PTGER3: variants seen among roughly 807,000 people sequenced by gnomAD.
PTGER3 encodes prostaglandin E2 receptor EP3 subtype.
Under a neutral mutation model 34.7 loss-of-function variants are expected in PTGER3, and 22 were observed. The observed-to-expected ratio is 0.63, with a 90% confidence interval of 0.45 to 0.91. The LOEUF (loss-of-function observed/expected upper bound fraction) is 0.91. PTGER3 is among the 40% of genes least tolerant of loss of function. The pLI, the probability that PTGER3 is intolerant of heterozygous loss-of-function variation, is 0.00. For synonymous variants in PTGER3, 241 were observed against 230.1 expected, an observed-to-expected ratio of 1.05 and a Z score of -0.43; for missense variants, 468 against 519.4, an observed-to-expected ratio of 0.90 and a Z score of 0.96.
At chr1:71,024,873 TTTTATTTATTTATTTATTTATTTATTTA>T (rs139278168) in intron 1 of PTGER3, among the ~76,000 whole-genome samples, 1 of 144,976 alleles carries the variant, frequency 6.9e-6, no homozygotes, top group Non-Finnish European at 1.5e-5. Flanking sequence ...TACTTGATTC[TTTTATTTATTTATTTATTTATTTATTTA>T]TTTATTTATT....
chr1:70,918,271 T>C (rs1647244998), intron 4 of PTGER3, among the ~76,000 whole-genome samples: 1 of 152,034 alleles, frequency 6.6e-6, no homozygotes, highest in Non-Finnish European at 1.5e-5. Flanking sequence ...AATACTTAAA[T>C]GTAAAATCTG....
At chr1:70,887,676 C>A (rs35284022) in intron 4 of PTGER3, among the ~76,000 whole-genome samples, 7,439 of 151,916 alleles carry the variant, frequency 0.049, 428 homozygotes, top group East Asian at 0.22. Flanking sequence ...ATTTCAAATT[C>A]TTGCTATTTT....
At chr1:70,918,184 T>A (rs1647239814) in intron 4 of PTGER3, among the ~76,000 whole-genome samples, 1 of 151,984 alleles carries the variant, frequency 6.6e-6, no homozygotes, top group Non-Finnish European at 1.5e-5. Flanking sequence ...CCGGAAAAAC[T>A]GAATATCCAC....
intron 4 of PTGER3, among the ~76,000 whole-genome samples, chr1:70,927,700 A>G (rs1366773860): frequency 1.3e-5 from 2 of 152,158 alleles, no homozygotes; most frequent in Non-Finnish European, 2.9e-5. Context: ...GAAGAGAGCT[A>G]TGCTGGATTC....
Position 70,887,039 on chromosome 1 carries a change from G to T in PTGER3, c.*24-34180C>A, listed in dbSNP as rs1030615395. Among the ~76,000 whole-genome samples, 9 of 152,348 alleles carry T rather than the reference G, an allele frequency of 5.9e-5. 1 individual carries two copies. In the South Asian group the frequency reaches 1.9e-3, roughly 32 times the overall value. ...AGGGAAATAGTTTGGGATCAATAAT[G>T]AAACATCTAGAAGTCTTGGAAGAGA... On this transcript the variant is annotated intron_variant, in intron 4 of 4. Transcript: ENST00000370931.
At chr1:71,007,630 T>G in intron 2 of PTGER3, 1 of 985,402 alleles carries the variant, frequency 1.0e-6, no homozygotes, top group Non-Finnish European at 1.2e-6. Context: ...TGAGTATCCT[T>G]TCAAAAGTAG....
intron 4 of PTGER3, among the ~76,000 whole-genome samples, chr1:70,931,463 G>A (rs1408743141): frequency 1.3e-5 from 2 of 152,224 alleles, no homozygotes; most frequent in African/African-American, 4.8e-5. Context: ...CTTCTGCACT[G>A]CCCTAACAAA....
At chr1:70,960,658 AAAT>A (rs916495075) in intron 2 of PTGER3, among the ~76,000 whole-genome samples, 3 of 152,152 alleles carry the variant, frequency 2.0e-5, no homozygotes, top group Non-Finnish European at 4.4e-5. Flanking sequence ...TCAAGGAGGA[AAAT>A]AATAAAGAAT....
At chr1:70,879,427 A>G (rs1384837680) in intron 4 of PTGER3, among the ~76,000 whole-genome samples, 3 of 152,014 alleles carry the variant, frequency 2.0e-5, no homozygotes, top group Non-Finnish European at 2.9e-5. Context: ...TTGTATTTTT[A>G]GTAGAGATGG....
At chr1:70,858,863 T>C (rs1158212238) in intron 4 of PTGER3, among the ~76,000 whole-genome samples, 1 of 152,230 alleles carries the variant, frequency 6.6e-6, no homozygotes, top group Non-Finnish European at 1.5e-5. Flanking sequence ...ATTACTTTTA[T>C]TTATTGCAAA....
intron 1 of PTGER3, among the ~76,000 whole-genome samples, chr1:71,023,891 T>C (rs921594014): frequency 2.6e-5 from 4 of 151,814 alleles, no homozygotes; most frequent in African/African-American, 9.7e-5. Context: ...GAGGTCTCCA[T>C]CGTCTCTTGT....
intron 4 of PTGER3, among the ~76,000 whole-genome samples, chr1:70,944,845 G>A (rs550458308): frequency 6.6e-6 from 1 of 152,040 alleles, no homozygotes; most frequent in African/African-American, 2.4e-5. Context: ...GAGAAATTAG[G>A]TAAAAAGGGT....
chr1:70,986,271 G>T (rs1223402573), intron 2 of PTGER3, among the ~76,000 whole-genome samples: 2 of 152,108 alleles, frequency 1.3e-5, no homozygotes, highest in African/African-American at 2.4e-5. Context: ...TTTTTCTATG[G>T]ATTAGCCATT....
intron 4 of PTGER3, among the ~76,000 whole-genome samples, chr1:70,878,390 C>A (rs1437544335): frequency 6.6e-6 from 1 of 151,824 alleles, no homozygotes; most frequent in Non-Finnish European, 1.5e-5. Context: ...AGCTCATGGT[C>A]TGTCTTAATA....
chr1:70,929,100 C>A (rs1648446941), intron 4 of PTGER3, among the ~76,000 whole-genome samples: 1 of 152,132 alleles, frequency 6.6e-6, no homozygotes, highest in Non-Finnish European at 1.5e-5. Flanking sequence ...GTATTATTAT[C>A]TTCTGTCATA....
intron 4 of PTGER3, among the ~76,000 whole-genome samples, chr1:70,878,694 A>T (rs546404437): frequency 1.9e-4 from 29 of 152,288 alleles, no homozygotes; most frequent in Admixed American, 7.8e-4. Context: ...CTTTAAAAGA[A>T]TTTCTTCATC....
intron 2 of PTGER3, among the ~76,000 whole-genome samples, chr1:70,985,274 GGACAT>G (rs1267517166): frequency 1.1e-4 from 17 of 152,192 alleles, no homozygotes; most frequent in Non-Finnish European, 1.3e-4. Context: ...ATGCGTGTGT[GGACAT>G]GAAGGAGAAA....
chr1:70,963,425 G>T (rs1473416642), intron 2 of PTGER3, among the ~76,000 whole-genome samples: 1 of 152,136 alleles, frequency 6.6e-6, no homozygotes, highest in Non-Finnish European at 1.5e-5. Context: ...TCTCCATGAG[G>T]GCCCTGACCC....
intron 2 of PTGER3, 62 bp from the exon 3 acceptor site, chr1:70,974,450 C>T: frequency 1.3e-6 from 1 of 767,018 alleles, no homozygotes; most frequent in Admixed American, 1.8e-5. Flanking sequence ...AAAAGCAAAA[C>T]CAAAACCTGC....
Sources: allele counts gnomAD v4.1 joint callset (sites outside exome capture counted in the v4.1 genomes callset), GRCh38; gene constraint gnomAD v4.1.1; transcripts MANE v1.5; gene names NCBI Gene and HGNC (gene_info 2026-07-23, HGNC 2026-07-21).